The following ASCC3 variants were observed in gnomAD, a reference collection of about 807,000 sequenced individuals.
ASCC3 encodes the protein activating signal cointegrator 1 complex subunit 3.
Under a neutral mutation model 256.3 loss-of-function variants are expected in ASCC3, and 158 were observed. That is an observed-to-expected ratio of 0.62 (90% CI 0.54 to 0.70). The LOEUF (loss-of-function observed/expected upper bound fraction) is 0.70. Ranked by LOEUF, ASCC3 falls within the 30% of genes least tolerant of loss-of-function variation. ASCC3 has a pLI of 0.00. For missense variants in ASCC3, 2,259 were observed against 2,626.0 expected (o/e 0.86, Z 3.05); for synonymous variants, 948 against 883.4 (o/e 1.07, Z -1.30).
Position 100,516,181 on chromosome 6 carries a change from T to C in ASCC3, c.6074A>G (p.Gln2025Arg), listed in dbSNP as rs202174980. 6 of 1,613,544 alleles carry C rather than the reference T, an allele frequency of 3.7e-6. No individual in the cohort carries two copies. The African/African-American group carries it at 8.0e-5, about 22-fold the overall frequency. Residue 2025 changes from glutamine (Q) to arginine (R), a missense_variant and splice_region_variant, in exon 39 of 42, where the codon CAG becomes CGG. Physicochemically the swap from Gln to Arg is conservative, Grantham distance 43 (BLOSUM62 1). Coordinates refer to ENST00000369162, the MANE Select transcript of ASCC3 (RefSeq NM_006828.4). ...ESELHAAKTK[Q>R]AWNFLSHLPV... ...AAAACACTTAAGAGATGGTCTTACC[T>C]GTTTCGTTTTTGCAGCATGTAGCTC...
At chr6:100,574,571 T>C (rs1209024514) in intron 36 of ASCC3, among the ~76,000 whole-genome samples, 1 of 151,926 alleles carries the variant, frequency 6.6e-6, no homozygotes, top group African/African-American at 2.4e-5. Flanking sequence ...ATTTCTTAAA[T>C]AACTAAAACT....
At chr6:100,684,002 A>C (rs1486407372) in intron 13 of ASCC3, among the ~76,000 whole-genome samples, 1 of 152,146 alleles carries the variant, frequency 6.6e-6, no homozygotes, top group Non-Finnish European at 1.5e-5. Flanking sequence ...CTGTTATTTG[A>C]CTTGTCAAAG....
At chr6:100,727,844 CA>C (rs1462362628) in intron 10 of ASCC3, among the ~76,000 whole-genome samples, 2 of 151,958 alleles carry the variant, frequency 1.3e-5, no homozygotes, top group African/African-American at 4.8e-5. Flanking sequence ...GGGGGCCAGA[CA>C]GAAAAGTGGC....
intron 36 of ASCC3, among the ~76,000 whole-genome samples, chr6:100,568,739 G>A (rs1770408524): frequency 6.9e-6 from 1 of 144,540 alleles, no homozygotes; most frequent in Non-Finnish European, 1.5e-5. Flanking sequence ...TTGCTTTTGA[G>A]GACTTAGTCA....
intron 8 of ASCC3, among the ~76,000 whole-genome samples, chr6:100,784,186 T>C (rs1188529810): frequency 6.6e-6 from 1 of 152,108 alleles, no homozygotes; most frequent in South Asian, 2.1e-4. Flanking sequence ...TAAAACTAAA[T>C]ATGAAAATAC....
intron 11 of ASCC3, among the ~76,000 whole-genome samples, chr6:100,719,303 C>T (rs1329865238): frequency 3.3e-5 from 5 of 151,814 alleles, no homozygotes; most frequent in South Asian, 4.2e-4. Context: ...AGCAAGGAAC[C>T]CTAAATAAGG....
rs557038210 is a variant in ASCC3, at chr6:100,540,399, A to C, written c.5551-12T>G. On this transcript the variant is annotated splice_polypyrimidine_tract_variant and intron_variant, in intron 36 of 41. Transcript: ENST00000369162. ...TATTCTTCTGCATCCTGAAAAAAAA[A>C]AAAAGCCCCACATTGTTGGATCAAA... 2 of 1,603,706 alleles carry C rather than the reference A, an allele frequency of 1.2e-6. No homozygotes were observed. Among genetic ancestry groups the C allele is most frequent in the African/African-American group, 1.3e-5 (1 of 74,676 alleles).
chr6:100,568,051 C>A (rs1413846500), intron 36 of ASCC3, among the ~76,000 whole-genome samples: 2 of 152,016 alleles, frequency 1.3e-5, no homozygotes, highest in East Asian at 3.9e-4. Context: ...TTGACAACAT[C>A]TGTTTTTTTT....
intron 10 of ASCC3, among the ~76,000 whole-genome samples, chr6:100,749,937 C>T (rs769813966): frequency 6.6e-6 from 1 of 151,470 alleles, no homozygotes; most frequent in Non-Finnish European, 1.5e-5. Context: ...AATATAAATT[C>T]AAGAGAAACT....
At chr6:100,861,825 CT>C (rs1773239169) in intron 3 of ASCC3, among the ~76,000 whole-genome samples, 1 of 152,146 alleles carries the variant, frequency 6.6e-6, no homozygotes, top group East Asian at 1.9e-4. Flanking sequence ...TATTTAATGA[CT>C]GGTATTTAAA....
chr6:100,855,163 G>A (rs1250011717), intron 3 of ASCC3, among the ~76,000 whole-genome samples: 1 of 151,442 alleles, frequency 6.6e-6, no homozygotes, highest in African/African-American at 2.4e-5. Flanking sequence ...ACCCAGTCTG[G>A]AGTGCAGTGG....
intron 34 of ASCC3, among the ~76,000 whole-genome samples, chr6:100,600,559 C>T (rs1772554028): frequency 6.6e-6 from 1 of 152,234 alleles, no homozygotes; most frequent in African/African-American, 2.4e-5. Context: ...TCTCAAACTC[C>T]TATCTAAGTA....
Position 100,767,136 on chromosome 6 carries a change from T to C in ASCC3, c.1596+9A>G, listed in dbSNP as rs1427624867. The C allele has an allele frequency of 3.1e-6, 5 of 1,611,840 alleles. No homozygotes were observed. Among genetic ancestry groups the C allele is most frequent in the South Asian group, 1.1e-5 (1 of 91,030 alleles). On this transcript the variant is annotated intron_variant, in intron 9 of 41. Transcript: ENST00000369162. ...ATTTAAAAAGCTGTTGTCTGATTTA[T>C]TTACTTACCTTAAATTCATTCTTTT... is the stretch of plus-strand genomic sequence containing the variant.
chr6:100,773,557 A>G (rs1425863528), intron 8 of ASCC3, among the ~76,000 whole-genome samples: 2 of 152,178 alleles, frequency 1.3e-5, no homozygotes, highest in Non-Finnish European at 2.9e-5. Flanking sequence ...GAACTACCGT[A>G]GCTTCTCTCA....
chr6:100,761,436 C>T (rs1182490759), intron 10 of ASCC3, among the ~76,000 whole-genome samples: 2 of 152,104 alleles, frequency 1.3e-5, no homozygotes, highest in Non-Finnish European at 2.9e-5. Context: ...TGCAGTGGGC[C>T]ATTACTGTGC....
chr6:100,687,630 T>C (rs951955874), intron 13 of ASCC3, among the ~76,000 whole-genome samples: 2 of 152,112 alleles, frequency 1.3e-5, no homozygotes, highest in Non-Finnish European at 2.9e-5. Flanking sequence ...GGTAATAAGA[T>C]AGTATATTTG....
chr6:100,649,423 A>C (rs1404683794), intron 20 of ASCC3, among the ~76,000 whole-genome samples: 1 of 151,716 alleles, frequency 6.6e-6, no homozygotes, highest in African/African-American at 2.4e-5. Context: ...GAGATTAGAA[A>C]ATTATTCCTA....
At chr6:100,698,436 G>A (rs1406264116) in intron 13 of ASCC3, among the ~76,000 whole-genome samples, 1 of 151,974 alleles carries the variant, frequency 6.6e-6, no homozygotes, top group Non-Finnish European at 1.5e-5. Context: ...AATTTTCTCT[G>A]CTCTAAAATC....
intron 4 of ASCC3, among the ~76,000 whole-genome samples, chr6:100,837,932 T>C (rs1221661484): frequency 6.6e-6 from 1 of 152,086 alleles, no homozygotes; most frequent in East Asian, 1.9e-4. Context: ...ATGGTTATGC[T>C]AAACACTCTG....
Sources: allele counts gnomAD v4.1 joint callset (sites outside exome capture counted in the v4.1 genomes callset), GRCh38; gene constraint gnomAD v4.1.1; transcripts MANE v1.5; gene names NCBI Gene and HGNC (gene_info 2026-07-23, HGNC 2026-07-21).